The following DPY19L2 variants were observed in gnomAD, a reference collection of about 807,000 sequenced individuals.
DPY19L2 encodes probable C-mannosyltransferase DPY19L2.
In DPY19L2, 34 loss-of-function variants were observed where a neutral mutation model predicts 97.9. The ratio of observed to expected loss-of-function variants is 0.35; its 90% CI spans 0.26 to 0.46. DPY19L2 has a LOEUF of 0.46. Ranked by LOEUF, DPY19L2 falls within the 20% of genes least tolerant of loss-of-function variation. The pLI, the probability that DPY19L2 is intolerant of heterozygous loss-of-function variation, is 1.00. For missense variants in DPY19L2, 623 were observed against 911.4 expected (o/e 0.68, Z 4.07); for synonymous variants, 230 against 307.9 (o/e 0.75, Z 2.65).
At chr12:63,609,201 C>T (rs1364013903) in intron 11 of DPY19L2, among the ~76,000 whole-genome samples, 1 of 151,912 alleles carries the variant, frequency 6.6e-6, no homozygotes, top group Admixed American at 6.6e-5. Context: ...TTATAAAGGC[C>T]TGTAGAATAA....
At chr12:63,570,243 C>G (rs892807030) in intron 20 of DPY19L2, among the ~76,000 whole-genome samples, 1 of 152,118 alleles carries the variant, frequency 6.6e-6, no homozygotes, top group Non-Finnish European at 1.5e-5. Context: ...TTCTCATAAT[C>G]GACTAGTAAA....
chr12:63,591,873 T>C (rs1016615100), intron 16 of DPY19L2, among the ~76,000 whole-genome samples: 49 of 149,164 alleles, frequency 3.3e-4, no homozygotes, highest in African/African-American at 1.2e-3. Context: ...GAGTCCGGGA[T>C]GTCCAGGCTG....
chr12:63,621,237 C>T lies in DPY19L2; in HGVS notation c.1053+1G>A. On this transcript the variant is annotated splice_donor_variant, in intron 9 of 21. Transcript: ENST00000324472. LOFTEE classifies it high-confidence loss of function. ...AAAATTAATTTAAAAAATCATCTTA[C>T]CTGTGTAAAAAGTATAAACTGAGCA... 1 of 946,412 alleles carries T rather than the reference C, an allele frequency of 1.1e-6. No homozygotes were observed. Among genetic ancestry groups the T allele is most frequent in the South Asian group, 1.5e-5 (1 of 67,086 alleles). The allele number at this position is 946,412 out of a possible 1,614,324, so 58.6% of individuals were successfully genotyped here. A position where few individuals can be genotyped will look rare whatever the true frequency, so the allele number is the denominator to read the frequency against.
At chr12:63,601,020 C>T (rs965114447) in intron 12 of DPY19L2, among the ~76,000 whole-genome samples, 1 of 152,054 alleles carries the variant, frequency 6.6e-6, no homozygotes, top group Admixed American at 6.6e-5. Flanking sequence ...CTCCTGACCT[C>T]GTGATCCACC....
chr12:63,587,864 C>A (rs1287077895), intron 16 of DPY19L2, among the ~76,000 whole-genome samples: 2 of 152,030 alleles, frequency 1.3e-5, no homozygotes, highest in Non-Finnish European at 2.9e-5. Context: ...AGCCACCGAA[C>A]CCGGCCTAAA....
chr12:63,632,237 AT>A (rs1171359496), intron 6 of DPY19L2, among the ~76,000 whole-genome samples: 1 of 152,168 alleles, frequency 6.6e-6, no homozygotes, highest in Non-Finnish European at 1.5e-5. Context: ...GGAGAAGGAA[AT>A]AAAAGGTATT....
intron 11 of DPY19L2, among the ~76,000 whole-genome samples, chr12:63,609,274 A>T (rs1428044215): frequency 6.6e-6 from 1 of 152,022 alleles, no homozygotes; most frequent in African/African-American, 2.4e-5. Context: ...GGTCTATGCA[A>T]GGTAAGAAGT....
intron 16 of DPY19L2, among the ~76,000 whole-genome samples, chr12:63,585,506 C>G (rs951653164): frequency 5.3e-5 from 8 of 152,020 alleles, no homozygotes; most frequent in African/African-American, 1.9e-4. Flanking sequence ...TATTCTGTCT[C>G]CCTCATAGCT....
Position 63,610,841 on chromosome 12 carries a change from C to CAAAAAAAAAAA in DPY19L2, c.1219-2177_1219-2167dup. Among the ~76,000 whole-genome samples the CAAAAAAAAAAA allele has an allele frequency of 5.8e-3, 63 of 10,772 alleles. 21 individuals are homozygous for CAAAAAAAAAAA. Among genetic ancestry groups the CAAAAAAAAAAA allele is most frequent in the Non-Finnish European group, 9.0e-3 (43 of 4,760 alleles). The allele number at this position is 10,772 out of a possible 152,430, so 7.1% of individuals were successfully genotyped here. A position where few individuals can be genotyped will look rare whatever the true frequency, so the allele number is the denominator to read the frequency against. Reference sequence around the variant, plus strand: ...AGGCCAGTACCTCTGATGAATATAGCAAAAAAAAAAAAAAAAAAAAAAAAA... The same window carrying CAAAAAAAAAAA: ...AGGCCAGTACCTCTGATGAATATAGCAAAAAAAAAAAAAAAAAAAAAAAAAAAAAAAAAAAA... On this transcript the variant is annotated intron_variant, in intron 11 of 21. Transcript: ENST00000324472.
At chr12:63,619,977 C>T (rs955457733) in intron 9 of DPY19L2, 12 of 455,724 alleles carry the variant, frequency 2.6e-5, no homozygotes, top group African/African-American at 1.8e-4. Context: ...GTTAAACAGA[C>T]GGAATACTTT....
chr12:63,619,759 C>T (rs1888391772), intron 9 of DPY19L2, among the ~76,000 whole-genome samples: 1 of 152,134 alleles, frequency 6.6e-6, no homozygotes, highest in Non-Finnish European at 1.5e-5. Context: ...CCCGCCTCAG[C>T]CTCCCAAAGT....
chr12:63,582,960 C>T lies in DPY19L2; in HGVS notation c.1606-435G>A, dbSNP rs556886603. 9.2e-5 allele frequency among the ~76,000 whole-genome samples: 14 copies of T among 152,056 alleles called. No individual in the cohort carries two copies. The East Asian group carries it at 2.7e-3, about 29-fold the overall frequency. On this transcript the variant is annotated intron_variant, in intron 17 of 21. Coordinates refer to ENST00000324472, the MANE Select transcript of DPY19L2 (RefSeq NM_173812.5). ...ACAAAGTTACTAATGCATCCCTGATCCAAAAATCTGAAATCTACAATGCTC... is the reference window on the plus strand; with the variant it reads ...ACAAAGTTACTAATGCATCCCTGATTCAAAAATCTGAAATCTACAATGCTC...
rs556177919 is a variant in DPY19L2, at chr12:63,580,935, C to T, written c.1726-99G>A. On this transcript the variant is annotated intron_variant, in intron 18 of 21. Coordinates refer to ENST00000324472, the MANE Select transcript of DPY19L2 (RefSeq NM_173812.5). Reference sequence around the variant, plus strand: ...TTGTTACTCAAACCAATGTGAATTACCCTTTGATATCAGCACACATGTATA... The same window carrying T: ...TTGTTACTCAAACCAATGTGAATTATCCTTTGATATCAGCACACATGTATA... 1.3e-4 allele frequency: 166 copies of T among 1,234,618 alleles called. 2 individuals carry two copies. In the African/African-American group the frequency reaches 2.3e-3, roughly 17 times the overall value. 76.5% of individuals were successfully genotyped at this position (1,234,618 alleles called of 1,614,324 possible). A position where few individuals can be genotyped will look rare whatever the true frequency, so the allele number is the denominator to read the frequency against.
At chr12:63,582,594 A>C in intron 17 of DPY19L2, 69 bp from the exon 18 acceptor site, 1 of 1,453,640 alleles carries the variant, frequency 6.9e-7, no homozygotes, top group Non-Finnish European at 9.3e-7. Flanking sequence ...AAGTATATTA[A>C]AACTATATTA....
chr12:63,581,775 G>C (rs1384429896), intron 18 of DPY19L2, among the ~76,000 whole-genome samples: 1 of 149,152 alleles, frequency 6.7e-6, no homozygotes, highest in Admixed American at 6.7e-5. Flanking sequence ...GAGCCACTGT[G>C]CCTGGCCACC....
At chr12:63,594,533 TA>T (rs1883822418) in intron 15 of DPY19L2, among the ~76,000 whole-genome samples, 1 of 115,682 alleles carries the variant, frequency 8.6e-6, no homozygotes, top group Non-Finnish European at 2.1e-5. Context: ...TGTGTGTGTG[TA>T]TGTGTGTATG....
chr12:63,612,489 A>G (rs1407012912), intron 11 of DPY19L2, among the ~76,000 whole-genome samples: 1 of 151,922 alleles, frequency 6.6e-6, no homozygotes, highest in Non-Finnish European at 1.5e-5. Context: ...CTTTATCAAA[A>G]TATGTGGGAT....
At chr12:63,618,994 T>C (rs1236977570) in intron 9 of DPY19L2, among the ~76,000 whole-genome samples, 4 of 152,180 alleles carry the variant, frequency 2.6e-5, no homozygotes, top group Non-Finnish European at 4.4e-5. Flanking sequence ...CTATTTTTGT[T>C]CTATAACCCT....
At chr12:63,568,092 T>C (rs1274718388) in intron 21 of DPY19L2, among the ~76,000 whole-genome samples, 1 of 152,028 alleles carries the variant, frequency 6.6e-6, no homozygotes, top group African/African-American at 2.4e-5. Flanking sequence ...CTTTTTTTCA[T>C]TACATCTAAT....
Sources: gnomAD v4.1 joint callset for allele counts (sites outside exome capture counted in the v4.1 genomes callset) on GRCh38, gnomAD v4.1.1 for gene constraint, MANE v1.5 for transcripts, NCBI Gene and HGNC (gene_info 2026-07-23, HGNC 2026-07-21) for gene names.